PARD3B: variants seen among roughly 807,000 people sequenced by gnomAD.
PARD3B encodes par-3 family cell polarity regulator beta.
Under a neutral mutation model 130.2 loss-of-function variants are expected in PARD3B, and 103 were observed. The observed-to-expected ratio is 0.79, with a 90% CI of 0.67 to 0.93. The LOEUF is 0.93. Among genes scored for constraint, PARD3B ranks in the 40% least tolerant of loss-of-function variants. The pLI, the probability that PARD3B is intolerant of heterozygous loss-of-function variation, is 0.00. For synonymous variants in PARD3B, 583 were observed against 553.2 expected, an observed-to-expected ratio of 1.05 and a Z score of -0.76; for missense variants, 1,609 against 1,499.2, an observed-to-expected ratio of 1.07 and a Z score of -1.21.
intron 4 of PARD3B, among the ~76,000 whole-genome samples, chr2:205,083,501 C>G (rs1401219755): frequency 6.6e-6 from 1 of 151,976 alleles, no homozygotes; most frequent in East Asian, 1.9e-4. Flanking sequence ...TAAACATCTT[C>G]CTGACCATAC....
In PARD3B at chr2:204,610,677, C is replaced by G. The variant is rs1203230044; in HGVS notation, c.120+64558C>G. Among the ~76,000 whole-genome samples the G allele has an allele frequency of 6.6e-6, 1 of 152,088 alleles. No homozygotes were observed. Among genetic ancestry groups the G allele is most frequent in the East Asian group, 1.9e-4 (1 of 5,166 alleles). On this transcript the variant is annotated intron_variant, in intron 1 of 22. Coordinates refer to ENST00000406610, the MANE Select transcript of PARD3B (RefSeq NM_001302769.2). This position sits in a 1 kb window ranked among gnomAD's most constrained non-coding sequence, Gnocchi z 4.1. ...GCCTGCCCCTTGTCCTTCATAGAAC[C>G]ACTTTGATATGTTAGTCTACTTCAG...
intron 3 of PARD3B, among the ~76,000 whole-genome samples, chr2:204,998,767 G>C (rs1694569664): frequency 6.6e-6 from 1 of 152,036 alleles, no homozygotes; most frequent in Non-Finnish European, 1.5e-5. Context: ...AGGCTAGAGT[G>C]CAATGGCGCG....
chr2:204,680,639 A>G (rs2036783457), intron 1 of PARD3B, among the ~76,000 whole-genome samples: 1 of 151,612 alleles, frequency 6.6e-6, no homozygotes. Flanking sequence ...TAATATGTGC[A>G]TTAAAGACCA....
intron 12 of PARD3B, among the ~76,000 whole-genome samples, chr2:205,174,204 A>G (rs1445766338): frequency 6.6e-6 from 1 of 152,168 alleles, no homozygotes; most frequent in African/African-American, 2.4e-5. Context: ...GATTGGCGTT[A>G]TTCCATCAGA....
intron 21 of PARD3B, among the ~76,000 whole-genome samples, chr2:205,552,011 T>G (rs1305258518): frequency 6.6e-6 from 1 of 152,186 alleles, no homozygotes; most frequent in Non-Finnish European, 1.5e-5. Context: ...AATCAATCAG[T>G]AATCAAGTAC....
At chr2:205,515,978 A>G (rs1021597650) in intron 21 of PARD3B, among the ~76,000 whole-genome samples, 1 of 151,728 alleles carries the variant, frequency 6.6e-6, no homozygotes, top group Non-Finnish European at 1.5e-5. Context: ...ATTTTTGTAT[A>G]TAAGGAAGGG....
At chr2:205,117,649 A>G (rs924335908) in intron 6 of PARD3B, among the ~76,000 whole-genome samples, 1 of 152,248 alleles carries the variant, frequency 6.6e-6, no homozygotes, top group Admixed American at 6.5e-5. Context: ...GTAATAGCAC[A>G]CATGGATTTT....
At chr2:205,054,764 T>C (rs996255944) in intron 4 of PARD3B, among the ~76,000 whole-genome samples, 2 of 152,004 alleles carry the variant, frequency 1.3e-5, no homozygotes, top group African/African-American at 2.4e-5. Context: ...GCCTAAGACA[T>C]GGTTCCTGTC....
chr2:205,299,528 C>T (rs1300850588), intron 16 of PARD3B, among the ~76,000 whole-genome samples: 7 of 59,128 alleles, frequency 1.2e-4, no homozygotes, highest in Non-Finnish European at 7.8e-5. Context: ...AGAATTCCTT[C>T]TGTCTTAAAG....
intron 20 of PARD3B, among the ~76,000 whole-genome samples, chr2:205,454,392 G>A (rs913525436): frequency 6.6e-6 from 1 of 152,070 alleles, no homozygotes; most frequent in East Asian, 1.9e-4. Context: ...AAAAAGGGCC[G>A]GAAAAGATAG....
intron 1 of PARD3B, among the ~76,000 whole-genome samples, chr2:204,557,597 T>C (rs944965264): frequency 6.6e-6 from 1 of 152,214 alleles, no homozygotes; most frequent in African/African-American, 2.4e-5. Context: ...AATTCCACAT[T>C]TTTAAAATAA....
At chr2:204,884,042 A>G (rs755562671) in intron 2 of PARD3B, among the ~76,000 whole-genome samples, 4 of 152,054 alleles carry the variant, frequency 2.6e-5, no homozygotes, top group Admixed American at 6.5e-5. Context: ...TGGCCACTCT[A>G]TTTTCTTTAT....
At chr2:205,578,043 A>G (rs2053826471) in intron 22 of PARD3B, among the ~76,000 whole-genome samples, 1 of 152,188 alleles carries the variant, frequency 6.6e-6, no homozygotes, top group South Asian at 2.1e-4. Flanking sequence ...TTGGCTCTGT[A>G]TCAGTGTGTA....
At chr2:205,518,516 TCTTA>T (rs1423245777) in intron 21 of PARD3B, among the ~76,000 whole-genome samples, 5 of 152,062 alleles carry the variant, frequency 3.3e-5, no homozygotes, top group Non-Finnish European at 1.5e-5. Context: ...TGTCATTCGG[TCTTA>T]CTTTTTTATA....
At chr2:204,941,103 A>G (rs1688865203) in intron 2 of PARD3B, among the ~76,000 whole-genome samples, 1 of 152,224 alleles carries the variant, frequency 6.6e-6, no homozygotes, top group Admixed American at 6.5e-5. Flanking sequence ...TATAAATTTC[A>G]TATGTGTGAA....
At chr2:204,608,634 T>A (rs572238108) in intron 1 of PARD3B, among the ~76,000 whole-genome samples, 11 of 152,302 alleles carry the variant, frequency 7.2e-5, no homozygotes, top group African/African-American at 2.4e-4. Context: ...TTTGGGAGTG[T>A]TGGTGACATT....
chr2:204,977,071 A>C (rs1213796654), intron 3 of PARD3B, among the ~76,000 whole-genome samples: 1 of 152,130 alleles, frequency 6.6e-6, no homozygotes, highest in Non-Finnish European at 1.5e-5. Flanking sequence ...CTCTCTTCAG[A>C]CTTATAAGTT....
chr2:205,103,734 G>GC, intron 4 of PARD3B: 1 of 985,452 alleles, frequency 1.0e-6, no homozygotes, highest in Non-Finnish European at 1.2e-6. Flanking sequence ...CATCAGGCGT[G>GC]CTTTCTAGAA....
intron 1 of PARD3B, among the ~76,000 whole-genome samples, chr2:204,571,121 AT>A (rs2031980220): frequency 6.6e-6 from 1 of 152,162 alleles, no homozygotes; most frequent in African/African-American, 2.4e-5. Context: ...TTCAGGCAAT[AT>A]TTAGAGTAGA....
Sources: gnomAD v4.1 joint callset for allele counts (sites outside exome capture counted in the v4.1 genomes callset) on GRCh38, gnomAD v4.1.1 for gene constraint, Gnocchi (gnomAD v3.1) non-coding constraint, MANE v1.5 for transcripts, NCBI Gene and HGNC (gene_info 2026-07-23, HGNC 2026-07-21) for gene names.